LSM11: variants seen among roughly 807,000 people sequenced by gnomAD.
LSM11 encodes LSM11, U7 small nuclear RNA associated, also known as U7 snRNA-associated Sm-like protein LSm11.
In LSM11, 14 loss-of-function variants were observed where a neutral mutation model predicts 28.1. The ratio of observed to expected loss-of-function variants is 0.50; its 90% confidence interval spans 0.33 to 0.78. LSM11 has a LOEUF of 0.78. Ranked by LOEUF, LSM11 falls within the 30% of genes least tolerant of loss-of-function variation. The pLI, the probability that LSM11 is intolerant of heterozygous loss-of-function variation, is 0.02. For missense variants in LSM11, 495 were observed against 510.6 expected, an observed-to-expected ratio of 0.97 and a Z score of 0.30; for synonymous variants, 207 against 214.2, an observed-to-expected ratio of 0.97 and a Z score of 0.30.
At chr5:157,749,978 C>T (rs1162019310) in intron 1 of LSM11, among the ~76,000 whole-genome samples, 1 of 152,196 alleles carries the variant, frequency 6.6e-6, no homozygotes, top group Non-Finnish European at 1.5e-5. Context: ...CATTTGTCTA[C>T]TGTCAATGCC....
chr5:157,754,758 A>G (rs1761295490), intron 3 of LSM11, 96 bp from the exon 4 acceptor site: 2 of 1,085,666 alleles, frequency 1.8e-6, no homozygotes, highest in African/African-American at 3.2e-5. Flanking sequence ...AGGAGTCCAC[A>G]GAACATAATT....
Position 157,755,523 on chromosome 5 carries a change from A to G in LSM11, c.*259A>G. On this transcript the variant is annotated 3_prime_UTR_variant, in exon 4 of 4. Transcript: ENST00000286307. ...GATTTGGTATTGTGATTTACTTCAG[A>G]CCCTGAAACCAAATATCTGATCTTC... The G allele has an allele frequency of 1.9e-6, 1 of 540,332 alleles. No homozygotes were observed. The highest frequency in any genetic ancestry group is 3.2e-6 in the Non-Finnish European group (1 of 308,440). The allele number at this position is 540,332 out of a possible 1,614,324, so 33.5% of individuals were successfully genotyped here. A position where few individuals can be genotyped will look rare whatever the true frequency, so the allele number is the denominator to read the frequency against.
chr5:157,750,885 C>T (rs1761220691), intron 1 of LSM11, among the ~76,000 whole-genome samples: 1 of 152,014 alleles, frequency 6.6e-6, no homozygotes, highest in African/African-American at 2.4e-5. Flanking sequence ...GGGTTCAAGC[C>T]ATTCTCCTGC....
Position 157,744,004 on chromosome 5 carries a change from G to C in LSM11, c.254G>C (p.Gly85Ala). ...GRARGAAAGS[G>A]VPAAPGPSGR... ...GCTCGGGGCGCGGCCGCGGGCTCTGGGGTTCCCGCCGCACCCGGGCCCTCG... is the reference window on the plus strand; with the variant it reads ...GCTCGGGGCGCGGCCGCGGGCTCTGCGGTTCCCGCCGCACCCGGGCCCTCG... The change falls in exon 1 of 4, where the codon GGG becomes GCG. Residue 85 changes from glycine to alanine, a missense_variant. Coordinates refer to ENST00000286307, the MANE Select transcript of LSM11 (RefSeq NM_173491.4). The C allele has an allele frequency of 7.6e-7, 1 of 1,319,310 alleles. No homozygotes were observed. The highest frequency in any genetic ancestry group is 9.7e-7 in the Non-Finnish European group (1 of 1,035,096). The allele number at this position is 1,319,310 out of a possible 1,614,324, so 81.7% of individuals were successfully genotyped here. A position where few individuals can be genotyped will look rare whatever the true frequency, so the allele number is the denominator to read the frequency against.
rs148198220 is a variant in LSM11, at chr5:157,745,958, C to G, written c.448+1760C>G. Among the ~76,000 whole-genome samples, 641 of 152,232 alleles carry G rather than the reference C, an allele frequency of 4.2e-3. 1 individual carries two copies. The highest frequency in any genetic ancestry group is 6.8e-3 in the Non-Finnish European group (462 of 68,016). Reference sequence around the variant, plus strand: ...AGGAGGGTGAGAATCACAAAACTACCTATTGGGTACTGTGATCACTACCTG... The same window carrying G: ...AGGAGGGTGAGAATCACAAAACTACGTATTGGGTACTGTGATCACTACCTG... On this transcript the variant is annotated intron_variant, in intron 1 of 3. Transcript: ENST00000286307.
intron 2 of LSM11, 148 bp downstream of exon 2, chr5:157,751,677 C>T: frequency 2.3e-6 from 2 of 884,704 alleles, no homozygotes; most frequent in Non-Finnish European, 1.8e-6. Context: ...TGGGCAACAA[C>T]AAGAAAAGGT....
rs1276056629 is a variant in LSM11 at position 157,757,134 on chromosome 5, C to A, written c.*1870C>A. Reference sequence around the variant, plus strand: ...TGAGCCAAGATTGCACCACTGTACTCCAGCCTGGGCGACAGAGCAAGACTC... The same window carrying A: ...TGAGCCAAGATTGCACCACTGTACTACAGCCTGGGCGACAGAGCAAGACTC... On this transcript the variant is annotated 3_prime_UTR_variant, in exon 4 of 4. Transcript: ENST00000286307. 6.6e-6 allele frequency: 1 copy of A among 151,844 alleles called. No homozygotes were observed. The highest frequency in any genetic ancestry group is 1.9e-4 in the East Asian group (1 of 5,168). 9.4% of individuals were successfully genotyped at this position (151,844 alleles called of 1,614,324 possible).
At chr5:157,754,127 C>G in intron 3 of LSM11, 40 bp downstream of exon 3, 1 of 1,354,512 alleles carries the variant, frequency 7.4e-7, no homozygotes, top group East Asian at 2.6e-5. Flanking sequence ...AGCCATCATG[C>G]TTTCCAGCTT....
At chr5:157,749,879 T>G (rs1761204430) in intron 1 of LSM11, among the ~76,000 whole-genome samples, 1 of 152,228 alleles carries the variant, frequency 6.6e-6, no homozygotes, top group Non-Finnish European at 1.5e-5. Flanking sequence ...ATAAGGTGGC[T>G]TCAGGAGGAA....
intron 1 of LSM11, among the ~76,000 whole-genome samples, chr5:157,750,350 A>T (rs953522105): frequency 6.6e-6 from 1 of 152,240 alleles, no homozygotes; most frequent in Non-Finnish European, 1.5e-5. Context: ...AATAAAATTC[A>T]TCTTTCCTCC....
rs185740955 is a variant in LSM11 at position 157,751,432 on chromosome 5, G to T, written c.491G>T (p.Arg164Leu). ...SPLGELHRCI[R>L]EGVKVNVHIR... ...CTGGGTGAACTCCATCGCTGTATCC[G>T]TGAGGGGGTGAAGGTGAATGTTCAC... Residue 164 changes from arginine to leucine, a missense_variant, in exon 2 of 4, where the codon CGT becomes CTT. Coordinates refer to ENST00000286307, the MANE Select transcript of LSM11 (RefSeq NM_173491.4). 6.2e-7 allele frequency: 1 copy of T among 1,611,740 alleles called. No individual in the cohort carries two copies. Among genetic ancestry groups the T allele is most frequent in the South Asian group, 1.1e-5 (1 of 90,540 alleles).
intron 1 of LSM11, among the ~76,000 whole-genome samples, chr5:157,745,749 C>T (rs1243804012): frequency 1.3e-5 from 2 of 152,178 alleles, no homozygotes; most frequent in African/African-American, 2.4e-5. Flanking sequence ...ATCAAGATCT[C>T]AGAGAATATG....
At chr5:157,744,688 A>C (rs1428962706) in intron 1 of LSM11, among the ~76,000 whole-genome samples, 3 of 152,146 alleles carry the variant, frequency 2.0e-5, no homozygotes, top group Non-Finnish European at 4.4e-5. Flanking sequence ...GGGGGAGCGC[A>C]CAGCCAATAT....
Position 157,744,014 on chromosome 5 carries a change from C to T in LSM11, c.264C>T (p.Ala88=), listed in dbSNP as rs1399611075. The change falls in exon 1 of 4, where the codon GCC becomes GCT. Residue 88 remains alanine, a synonymous_variant. Coordinates refer to ENST00000286307, the MANE Select transcript of LSM11 (RefSeq NM_173491.4). ...CGGCCGCGGGCTCTGGGGTTCCCGC[C>T]GCACCCGGGCCCTCGGGCAGGACTC... ...RGAAAGSGVP[A]APGPSGRTRR... is the part of the protein sequence containing the mutation. 4 of 1,334,202 alleles carry T rather than the reference C, an allele frequency of 3.0e-6. No homozygotes were observed. In the South Asian group the frequency reaches 7.5e-5, roughly 25 times the overall value. 82.6% of individuals were successfully genotyped at this position (1,334,202 alleles called of 1,614,324 possible). A position where few individuals can be genotyped will look rare whatever the true frequency, so the allele number is the denominator to read the frequency against.
Position 157,744,176 on chromosome 5 carries a change from C to T in LSM11, c.426C>T (p.Arg142=). ...CGGGTCGGAGCAGGAAGGCGCCACG[C>T]AACGTGCTCACGCGAATGCCCTGTG... ...RGPGRSRKAP[R]NVLTRMPLHE... Residue 142 remains arginine (R), a synonymous_variant, in exon 1 of 4, where the codon CGC becomes CGT. Transcript: ENST00000286307. The T allele has an allele frequency of 7.4e-7, 1 of 1,360,084 alleles. No homozygotes were observed. The highest frequency in any genetic ancestry group is 1.7e-5 in the South Asian group (1 of 58,062). The allele number at this position is 1,360,084 out of a possible 1,614,324, so 84.3% of individuals were successfully genotyped here.
At chr5:157,745,840 T>C (rs1486723641) in intron 1 of LSM11, among the ~76,000 whole-genome samples, 1 of 151,920 alleles carries the variant, frequency 6.6e-6, no homozygotes, top group Non-Finnish European at 1.5e-5. Context: ...TCGCACAGAG[T>C]TGATGACCTT....
chr5:157,759,874 G>A lies in LSM11; in HGVS notation c.*4610G>A, dbSNP rs1761384674. 6.6e-6 allele frequency: 1 copy of A among 152,138 alleles called. No individual in the cohort carries two copies. The highest frequency in any genetic ancestry group is 2.1e-4 in the South Asian group (1 of 4,832). 9.4% of individuals were successfully genotyped at this position (152,138 alleles called of 1,614,324 possible). ...GTCAGTTTTCTGGGCCCTGAGGAAG[G>A]GTTGGGCCTCCTTTACTCTCAGTAT... On this transcript the variant is annotated 3_prime_UTR_variant, in exon 4 of 4. Transcript: ENST00000286307.
chr5:157,751,554 T>C (rs369241724), intron 2 of LSM11, 25 bp downstream of exon 2: 2 of 1,604,164 alleles, frequency 1.2e-6, no homozygotes, highest in Admixed American at 1.7e-5. Context: ...CTCAAGGGGC[T>C]GGAGAACCTC....
chr5:157,749,132 C>T (rs1030901263), intron 1 of LSM11, among the ~76,000 whole-genome samples: 7 of 152,100 alleles, frequency 4.6e-5, no homozygotes, highest in Non-Finnish European at 7.4e-5. Flanking sequence ...TAAAGGTACA[C>T]GTTTGAGAAA....
Sources: allele counts gnomAD v4.1 joint callset (sites outside exome capture counted in the v4.1 genomes callset), GRCh38; gene constraint gnomAD v4.1.1; transcripts MANE v1.5; gene names NCBI Gene and HGNC (gene_info 2026-07-23, HGNC 2026-07-21).